The following CLCN5 variants were observed in gnomAD, a reference collection of about 807,000 sequenced individuals.
CLCN5 encodes H(+)/Cl(-) exchange transporter 5.
CLCN5 carries 17 observed loss-of-function variants against 54.0 expected under a neutral mutation model. The ratio of observed to expected loss-of-function variants is 0.31; its 90% CI spans 0.22 to 0.47. CLCN5 has a LOEUF of 0.47. Ranked by LOEUF, CLCN5 falls within the 20% of genes least tolerant of loss-of-function variation. The pLI, the probability that CLCN5 is intolerant of heterozygous loss-of-function variation, is 1.00. For missense variants in CLCN5, 448 were observed against 646.7 expected, an observed-to-expected ratio of 0.69 and a Z score of 3.33; for synonymous variants, 222 against 233.0, an observed-to-expected ratio of 0.95 and a Z score of 0.43.
At chrX:50,010,094 C>A (rs1930417832) in intron 3 of CLCN5, among the ~76,000 whole-genome samples, 1 of 111,564 alleles carries the variant, frequency 9.0e-6, no homozygotes, top group Non-Finnish European at 1.9e-5. Context: ...CACCTTAACC[C>A]ACCCATAAGT....
intron 3 of CLCN5, among the ~76,000 whole-genome samples, chrX:49,958,386 A>G (rs1385394127): frequency 9.0e-6 from 1 of 111,551 alleles, no homozygotes; most frequent in African/African-American, 3.3e-5. Context: ...CCTGTCTCAT[A>G]TGAACATATT....
intron 4 of CLCN5, among the ~76,000 whole-genome samples, chrX:50,063,043 A>T (rs1352000130): frequency 9.0e-6 from 1 of 110,625 alleles, no homozygotes; most frequent in East Asian, 2.8e-4. Context: ...CTAAATGCGC[A>T]CAAGAGAAAG....
intron 11 of CLCN5, among the ~76,000 whole-genome samples, chrX:50,088,082 C>G (rs1933954403): frequency 8.9e-6 from 1 of 112,098 alleles, no homozygotes; most frequent in African/African-American, 3.2e-5. Context: ...ACCTCATGTG[C>G]TATATCCTTT....
At chrX:50,060,671 T>A (rs1451082308) in intron 4 of CLCN5, among the ~76,000 whole-genome samples, 1 of 111,137 alleles carries the variant, frequency 9.0e-6, no homozygotes, top group Non-Finnish European at 1.9e-5. Flanking sequence ...CAAGGAGGCC[T>A]GCCTGCCTCT....
intron 3 of CLCN5, chrX:50,008,961 C>G: frequency 2.6e-6 from 1 of 386,116 alleles, no homozygotes; most frequent in Non-Finnish European, 5.2e-6. Context: ...GTCTGCTCCC[C>G]CTCTTGAATC....
At chrX:49,995,825 C>T (rs1929495351) in intron 3 of CLCN5, among the ~76,000 whole-genome samples, 1 of 111,742 alleles carries the variant, frequency 8.9e-6, no homozygotes, top group African/African-American at 3.3e-5. Context: ...GTGTTATGTA[C>T]TGGCTTTAGA....
intron 4 of CLCN5, among the ~76,000 whole-genome samples, chrX:50,058,882 G>T (rs1932808041): frequency 9.0e-6 from 1 of 110,535 alleles, no homozygotes; most frequent in Admixed American, 9.6e-5. Flanking sequence ...ACCCCAACCT[G>T]ATGTGTAGGC....
At chrX:49,948,564 C>A (rs1183776567) in intron 3 of CLCN5, among the ~76,000 whole-genome samples, 2 of 111,772 alleles carry the variant, frequency 1.8e-5, no homozygotes, top group Non-Finnish European at 3.8e-5. Flanking sequence ...TATTTTGCAG[C>A]TGATAACCTC....
chrX:49,950,711 C>T (rs1927001051), intron 3 of CLCN5, among the ~76,000 whole-genome samples: 1 of 107,361 alleles, frequency 9.3e-6, no homozygotes, highest in Non-Finnish European at 1.9e-5. Context: ...TTTTTTAATT[C>T]TTAGTTTTTG....
At chrX:50,067,856 C>T (rs1263463491) in intron 4 of CLCN5, 2 of 322,902 alleles carry the variant, frequency 6.2e-6, no homozygotes, top group Non-Finnish European at 8.1e-6. Context: ...ATTCTAATCA[C>T]TGCCTGCTCT....
chrX:50,055,930 A>G (rs1557188881), intron 4 of CLCN5, among the ~76,000 whole-genome samples: 2 of 110,775 alleles, frequency 1.8e-5, no homozygotes, highest in Non-Finnish European at 3.8e-5. Context: ...ATTACTAGAT[A>G]CTTTCATTGT....
intron 3 of CLCN5, among the ~76,000 whole-genome samples, chrX:50,037,543 AGGAATCTACAT>A (rs1399310229): frequency 4.5e-5 from 5 of 111,759 alleles, no homozygotes; most frequent in African/African-American, 1.3e-4. Context: ...AGGGTAAAGA[AGGAATCTACAT>A]GGAGTAGTAG....
In CLCN5 at chrX:50,092,137, T is replaced by G. The variant is rs782252533; in HGVS notation, c.2369T>G (p.Leu790Arg). Residue 790 changes from leucine (L) to arginine (R), a missense_variant, in exon 15 of 15, where the codon CTT becomes CGT. Physicochemically the swap from Leu to Arg is moderately radical, Grantham distance 102. Around this residue, in one of 5 missense-constraint regions of CLCN5, gnomAD observed 297 missense variants for 470.4 expected, o/e 0.63. Coordinates refer to ENST00000376091, the MANE Select transcript of CLCN5 (RefSeq NM_001127898.4). ...QCLVTHNGRL[L>R]GIITKKDVLK... ...TTGTGTTTGTCTTTTAGGCGATTGC[T>G]TGGAATCATTACCAAAAAGGATGTG... The G allele has an allele frequency of 8.3e-7, 1 of 1,201,870 alleles. No homozygotes were observed. The highest frequency in any genetic ancestry group is 2.2e-5 in the Admixed American group (1 of 46,021).
At chrX:50,077,495 A>G (rs1433914830) in intron 7 of CLCN5, among the ~76,000 whole-genome samples, 3 of 106,843 alleles carry the variant, frequency 2.8e-5, no homozygotes, top group Non-Finnish European at 5.8e-5. Context: ...GCTCCCGGGT[A>G]CCCTGTCCCA....
At chrX:49,990,500 C>A (rs1271862387) in intron 3 of CLCN5, among the ~76,000 whole-genome samples, 1 of 110,162 alleles carries the variant, frequency 9.1e-6, no homozygotes, top group Non-Finnish European at 1.9e-5. Flanking sequence ...TGCAGTGATG[C>A]ATTCTTGGCT....
At chrX:50,025,590 C>A (rs1557184880) in intron 3 of CLCN5, among the ~76,000 whole-genome samples, 1 of 111,994 alleles carries the variant, frequency 8.9e-6, no homozygotes. Flanking sequence ...TTACACTCTT[C>A]GTTTTCGTAG....
At chrX:49,981,693 CT>C (rs5902467) in intron 3 of CLCN5, among the ~76,000 whole-genome samples, 6,021 of 96,175 alleles carry the variant, frequency 0.063, 478 homozygotes, top group African/African-American at 0.21. Context: ...GCCATTGAAC[CT>C]TTTTTTTTTT....
At chrX:49,927,571 G>A (rs1557168194) in intron 3 of CLCN5, among the ~76,000 whole-genome samples, 2 of 112,108 alleles carry the variant, frequency 1.8e-5, no homozygotes, top group Admixed American at 9.5e-5. Context: ...TAGCTACGAG[G>A]CCTTGGGCAA....
In CLCN5 at chrX:50,093,320, A is replaced by G. The variant is rs999273812; in HGVS notation, c.*1101A>G. On this transcript the variant is annotated 3_prime_UTR_variant, in exon 15 of 15. Coordinates refer to ENST00000376091, the MANE Select transcript of CLCN5 (RefSeq NM_001127898.4). ...GACACTCATTGTACCTCCCAGCGATAAGTATGTGTAACAGGCCAGTGTGTT... is the reference window on the plus strand; with the variant it reads ...GACACTCATTGTACCTCCCAGCGATGAGTATGTGTAACAGGCCAGTGTGTT... 3 of 112,372 alleles carry G rather than the reference A, an allele frequency of 2.7e-5. No individual in the cohort carries two copies. Among genetic ancestry groups the G allele is most frequent in the African/African-American group, 9.7e-5 (3 of 30,834 alleles). 9.3% of individuals were successfully genotyped at this position (112,372 alleles called of 1,213,427 possible). A position where few individuals can be genotyped will look rare whatever the true frequency, so the allele number is the denominator to read the frequency against.
Sources: allele counts gnomAD v4.1 joint callset (sites outside exome capture counted in the v4.1 genomes callset), GRCh38; gene constraint gnomAD v4.1.1; regional missense constraint gnomAD v4.1.1; transcripts MANE v1.5; gene names NCBI Gene and HGNC (gene_info 2026-07-23, HGNC 2026-07-21).